TMEM87B: variants seen among roughly 807,000 people sequenced by gnomAD.
TMEM87B encodes the protein transmembrane protein 87B.
In TMEM87B, 83 loss-of-function variants were observed where a neutral mutation model predicts 80.3. The ratio of observed to expected loss-of-function variants is 1.03; its 90% CI spans 0.87 to 1.24. TMEM87B has a LOEUF of 1.24. Among genes scored for constraint, TMEM87B ranks in the 50% most tolerant of loss-of-function variants. TMEM87B has a pLI of 0.00. For synonymous variants in TMEM87B, 219 were observed against 230.5 expected, an observed-to-expected ratio of 0.95 and a Z score of 0.45; for missense variants, 625 against 674.4, an observed-to-expected ratio of 0.93 and a Z score of 0.81.
In TMEM87B at chr2:112,055,514, C is replaced by T; in HGVS notation, c.-78C>T. On this transcript the variant is annotated 5_prime_UTR_variant, in exon 1 of 19. Coordinates refer to ENST00000283206, the MANE Select transcript of TMEM87B (RefSeq NM_032824.3). ...GAGCCCCGCGTCCCGGATTCGGACC[C>T]GCCTGCCTGGGGCGGTGCTGCACCA... 2 of 1,387,502 alleles carry T rather than the reference C, an allele frequency of 1.4e-6. No homozygotes were observed. Among genetic ancestry groups the T allele is most frequent in the Non-Finnish European group, 1.9e-6 (2 of 1,072,490 alleles). 85.9% of individuals were successfully genotyped at this position (1,387,502 alleles called of 1,614,324 possible).
chr2:112,115,743 T>G (rs1680003717), intron 18 of TMEM87B, among the ~76,000 whole-genome samples: 1 of 152,200 alleles, frequency 6.6e-6, no homozygotes, highest in Non-Finnish European at 1.5e-5. Context: ...TTTCTGAACT[T>G]CTCAGCAGAT....
At chr2:112,107,682 A>G (rs1168008315) in intron 16 of TMEM87B, 106 bp from the exon 17 acceptor site, 2 of 525,368 alleles carry the variant, frequency 3.8e-6, no homozygotes, top group Non-Finnish European at 6.2e-6. Context: ...AACTAAAAGA[A>G]TGTCAAATAT....
Position 112,055,684 on chromosome 2 carries a change from C to A in TMEM87B, c.93C>A (p.Cys31Ter). The stretch of plus-strand genomic sequence containing the variant: ...CCCCGCTGCTGCGCGTCGCCCTCTG[C>A]CTCCTGTGCTGGACCCCGGCGGCTG... ...ARAPLLRVALCLLCWTPAAVR... is the reference protein window; with the variant it reads ...ARAPLLRVAL The change falls in exon 1 of 19, where the codon TGC becomes TGA. Residue 31 changes from cysteine to a stop codon, truncating the protein, a stop_gained. Transcript: ENST00000283206. LOFTEE classifies it high-confidence loss of function. 1 of 1,582,150 alleles carries A rather than the reference C, an allele frequency of 6.3e-7. No individual in the cohort carries two copies.
rs750295494 is a variant in TMEM87B at position 112,112,974 on chromosome 2, A to C, written c.1608+45A>C. On this transcript the variant is annotated intron_variant, in intron 18 of 18. Transcript: ENST00000283206. Reference sequence around the variant, plus strand: ...ATTTCCTTGGAGCTGATATTTTCACAAAGTAGAGATGTATTTCAGAAAGAA... The same window carrying C: ...ATTTCCTTGGAGCTGATATTTTCACCAAGTAGAGATGTATTTCAGAAAGAA... 1.9e-6 allele frequency: 3 copies of C among 1,558,060 alleles called. No individual in the cohort carries two copies. In the Admixed American group the frequency reaches 5.1e-5, roughly 27 times the overall value.
intron 10 of TMEM87B, among the ~76,000 whole-genome samples, chr2:112,091,256 A>ATT (rs1303043285): frequency 6.6e-6 from 1 of 151,828 alleles, no homozygotes; most frequent in Non-Finnish European, 1.5e-5. Flanking sequence ...AAAAAAAAAA[A>ATT]TTTTACATAG....
chr2:112,118,849 C>T lies in TMEM87B; in HGVS notation c.*2706C>T, dbSNP rs1359005232. The T allele has an allele frequency of 6.6e-6, 1 of 152,022 alleles. No homozygotes were observed. Among genetic ancestry groups the T allele is most frequent in the Non-Finnish European group, 1.5e-5 (1 of 67,980 alleles). The allele number at this position is 152,022 out of a possible 1,614,324, so 9.4% of individuals were successfully genotyped here. The stretch of plus-strand genomic sequence containing the variant: ...AAAAGTTCGAGTCTGTTGCACTAGG[C>T]TGTACATGACTAAAGTTGACAGATG... On this transcript the variant is annotated 3_prime_UTR_variant, in exon 19 of 19. Transcript: ENST00000283206.
chr2:112,095,570 G>A, intron 11 of TMEM87B: 1 of 686,744 alleles, frequency 1.5e-6, no homozygotes, highest in Non-Finnish European at 1.8e-6. Flanking sequence ...ATGTTTTGAT[G>A]TATTTAAGGA....
chr2:112,069,327 C>T (rs1442857076), intron 4 of TMEM87B, among the ~76,000 whole-genome samples: 2 of 152,082 alleles, frequency 1.3e-5, no homozygotes, highest in Non-Finnish European at 2.9e-5. Flanking sequence ...CCAGCCTTCA[C>T]CCTTAAGTAG....
At position 112,086,116 on chromosome 2, in the gene TMEM87B, C is replaced by T. The variant is rs752970410; in HGVS notation, c.938+12C>T. 37 of 1,609,220 alleles carry T rather than the reference C, an allele frequency of 2.3e-5. No homozygotes were observed. The highest frequency in any genetic ancestry group is 6.7e-5 in the East Asian group (3 of 44,850). ...TATGGCATTGTGAAGTAAGTACTGG[C>T]GTGTGGGAAAAATGCTGGGTCCCAG... On this transcript the variant is annotated intron_variant, in intron 9 of 18. Transcript: ENST00000283206.
rs769088454 is a variant in TMEM87B at position 112,098,644 on chromosome 2, C to A, written c.1322C>A (p.Ser441Ter). Residue 441 changes from serine to a stop codon, truncating the protein, a stop_gained, in exon 14 of 19, where the codon TCG (serine) becomes TAG (stop). Transcript: ENST00000283206. LOFTEE classifies it high-confidence loss of function. ...GATGCATTTTGGAGCTTCCTTTTTT[C>A]GCTTATCCTTATTGTAATCATGTTT... ...VDDAFWSFLF[S>*]LILIVIMFLW... 14 of 1,613,904 alleles carry A rather than the reference C, an allele frequency of 8.7e-6. No individual in the cohort carries two copies. The highest frequency in any genetic ancestry group is 1.2e-5 in the Non-Finnish European group (14 of 1,179,998).
intron 8 of TMEM87B, among the ~76,000 whole-genome samples, chr2:112,083,728 T>A (rs1183124771): frequency 6.6e-6 from 1 of 152,202 alleles, no homozygotes; most frequent in African/African-American, 2.4e-5. Flanking sequence ...GAATGGTGTC[T>A]CTCTCAGATT....
chr2:112,107,886 G>C, intron 17 of TMEM87B, 46 bp downstream of exon 17: 1 of 1,322,816 alleles, frequency 7.6e-7, no homozygotes, highest in Non-Finnish European at 1.1e-6. Flanking sequence ...TTAGGCTGTA[G>C]TTTAAAAGGG....
chr2:112,094,709 A>G (rs1219223957), intron 11 of TMEM87B, among the ~76,000 whole-genome samples: 1 of 152,208 alleles, frequency 6.6e-6, no homozygotes, highest in East Asian at 1.9e-4. Flanking sequence ...GAATATTTAT[A>G]ATGAAAATGT....
chr2:112,088,551 G>C (rs576048888), intron 9 of TMEM87B, among the ~76,000 whole-genome samples: 2 of 152,090 alleles, frequency 1.3e-5, no homozygotes, highest in Non-Finnish European at 2.9e-5. Flanking sequence ...GTTTTGAATT[G>C]ACTATCTTAA....
chr2:112,082,912 G>T (rs557177979), intron 8 of TMEM87B, among the ~76,000 whole-genome samples: 1 of 152,170 alleles, frequency 6.6e-6, no homozygotes, highest in Non-Finnish European at 1.5e-5. Flanking sequence ...GGGAATCTAA[G>T]CTGTCTGAGA....
chr2:112,080,796 A>G (rs7562015), intron 6 of TMEM87B, among the ~76,000 whole-genome samples: 1 of 152,214 alleles, frequency 6.6e-6, no homozygotes, highest in Non-Finnish European at 1.5e-5. Flanking sequence ...AATCCAAAAA[A>G]TCATTGCTCA....
chr2:112,071,981 T>A (rs1008513014), intron 4 of TMEM87B, among the ~76,000 whole-genome samples: 1 of 152,232 alleles, frequency 6.6e-6, no homozygotes, highest in Non-Finnish European at 1.5e-5. Context: ...TATTAGAGTT[T>A]TTAACATGAA....
At chr2:112,086,671 C>G (rs1292942398) in intron 9 of TMEM87B, among the ~76,000 whole-genome samples, 1 of 152,328 alleles carries the variant, frequency 6.6e-6, no homozygotes, top group East Asian at 1.9e-4. Flanking sequence ...GCTCACTCTT[C>G]AGGCTGGGTC....
chr2:112,113,456 G>A (rs1351680240), intron 18 of TMEM87B, among the ~76,000 whole-genome samples: 1 of 152,208 alleles, frequency 6.6e-6, no homozygotes, highest in Non-Finnish European at 1.5e-5. Flanking sequence ...GTTAGTGGTA[G>A]CTAAGTTGTA....
Sources: allele counts gnomAD v4.1 joint callset (sites outside exome capture counted in the v4.1 genomes callset), GRCh38; gene constraint gnomAD v4.1.1; transcripts MANE v1.5; gene names NCBI Gene and HGNC (gene_info 2026-07-23, HGNC 2026-07-21).